The following BTN2A1 variants were observed in gnomAD, a reference collection of about 807,000 sequenced individuals.
BTN2A1 encodes butyrophilin subfamily 2 member A1, also known as butyrophilin, subfamily 2, member A1.
Under a neutral mutation model 34.5 loss-of-function variants are expected in BTN2A1, and 41 were observed. The observed-to-expected ratio is 1.19, with a 90% CI of 0.93 to 1.54. The LOEUF is 1.54. Ranked by LOEUF, BTN2A1 falls within the 40% of genes most tolerant of loss-of-function variation. The probability of loss-of-function intolerance (pLI) is 0.00; values close to 1 mark genes in which losing one functional copy is unlikely to be tolerated. For synonymous variants in BTN2A1, 267 were observed against 258.6 expected (o/e 1.03, Z -0.31); for missense variants, 642 against 662.0 (o/e 0.97, Z 0.33).
chr6:26,470,336 A>G (rs1763426183), downstream of BTN2A1, among the ~76,000 whole-genome samples: 1 of 152,012 alleles, frequency 6.6e-6, no homozygotes, highest in South Asian at 2.1e-4. Context: ...GAAAGAGTGA[A>G]ACTCCCGTCT....
In BTN2A1 at chr6:26,467,958, C is replaced by T. The variant is rs1300199084; in HGVS notation, c.993C>T (p.Val331=). Reference sequence around the variant, plus strand: ...AGACTTCCTCTGCAGTTGATGTGGTCCTGGATCCAGACACCGCTCATCCCG... The same window carrying T: ...AGACTTCCTCTGCAGTTGATGTGGTTCTGGATCCAGACACCGCTCATCCCG... The part of the protein sequence containing the change: ...RRTFLHAVDV[V]LDPDTAHPDL... The change falls in exon 8 of 8, where the codon GTC becomes GTT. Residue 331 remains valine, a synonymous_variant. Transcript: ENST00000312541. 1 of 1,612,766 alleles carries T rather than the reference C, an allele frequency of 6.2e-7. No individual in the cohort carries two copies. The highest frequency in any genetic ancestry group is 8.5e-7 in the Non-Finnish European group (1 of 1,179,026).
intron 2 of BTN2A1, 143 bp downstream of exon 2, chr6:26,458,861 T>C: frequency 8.9e-7 from 1 of 1,128,802 alleles, no homozygotes; most frequent in Non-Finnish European, 1.3e-6. Context: ...ATACCAGCAC[T>C]GTCCAAAAGG....
At chr6:26,465,903 T>G (rs1448158227) in intron 5 of BTN2A1, 50 bp from the exon 6 acceptor site, 1 of 1,613,498 alleles carries the variant, frequency 6.2e-7, no homozygotes, top group Non-Finnish European at 8.5e-7. Flanking sequence ...AAAACCCAAC[T>G]TCTTTTAGTT....
chr6:26,473,220 C>T (rs938386504), downstream of BTN2A1, among the ~76,000 whole-genome samples: 2 of 152,156 alleles, frequency 1.3e-5, no homozygotes, highest in Non-Finnish European at 2.9e-5. Flanking sequence ...TCTGCTATCA[C>T]TAGGTCCCAA....
exon 8 of BTN2A1, chr6:26,476,410 G>A: frequency 1.4e-6 from 1 of 708,476 alleles, no homozygotes. Flanking sequence ...TTGCCCAGAT[G>A]TCTGCTCACC....
intron 2 of BTN2A1, among the ~76,000 whole-genome samples, chr6:26,459,082 A>T (rs1417838117): frequency 2.6e-5 from 4 of 152,210 alleles, no homozygotes; most frequent in African/African-American, 9.7e-5. Context: ...TGAAATTTTA[A>T]ATCTTCATAA....
In BTN2A1 at chr6:26,467,630, A is replaced by G; in HGVS notation, c.983-318A>G. On this transcript the variant is annotated intron_variant, in intron 7 of 7. Coordinates refer to ENST00000312541, the MANE Select transcript of BTN2A1 (RefSeq NM_007049.5). ...CCTGGCCAGAGATCATATGTCTTGG[A>G]TAGAAAAGGGAACACATCTTAGAAT... is the stretch of plus-strand genomic sequence containing the variant. The G allele has an allele frequency of 3.6e-6, 5 of 1,378,522 alleles. No homozygotes were observed. In the South Asian group the frequency reaches 4.2e-5, roughly 12 times the overall value. The allele number at this position is 1,378,522 out of a possible 1,614,324, so 85.4% of individuals were successfully genotyped here.
At chr6:26,472,664 C>G (rs145154946), downstream of BTN2A1, among the ~76,000 whole-genome samples, 5 of 152,308 alleles carry the variant, frequency 3.3e-5, no homozygotes, top group Admixed American at 6.5e-5. Flanking sequence ...CTTGGCTAAA[C>G]TGGCATGCCC....
At chr6:26,467,333 A>C (rs1299474099) in intron 7 of BTN2A1, among the ~76,000 whole-genome samples, 1 of 152,084 alleles carries the variant, frequency 6.6e-6, no homozygotes, top group Non-Finnish European at 1.5e-5. Flanking sequence ...TTGTTTTGAG[A>C]TGATGTCTTG....
At chr6:26,458,494 G>A (rs777982807) in intron 1 of BTN2A1, 113 bp from the exon 2 acceptor site, 8 of 802,634 alleles carry the variant, frequency 1.0e-5, no homozygotes, top group South Asian at 1.5e-5. Flanking sequence ...CGGATGCAGG[G>A]GACTCCCTGA....
At chr6:26,461,614 C>T (rs1289401137) in intron 3 of BTN2A1, among the ~76,000 whole-genome samples, 1 of 152,108 alleles carries the variant, frequency 6.6e-6, no homozygotes, top group Non-Finnish European at 1.5e-5. Flanking sequence ...GAAACCCTGT[C>T]TTTACTAAAA....
At chr6:26,476,582 C>A in exon 8 of BTN2A1, 1 of 276,946 alleles carries the variant, frequency 3.6e-6, no homozygotes, top group Non-Finnish European at 7.3e-6. Context: ...AGCCACTGGG[C>A]ACTCATATCT....
chr6:26,468,261 G>C lies in BTN2A1; in HGVS notation c.1296G>C (p.Arg432=). ...WTLEMHKGQY[R]AVSSPDRILP... is the part of the protein sequence containing the mutation. ...TGGAGATGCATAAAGGGCAATACCG[G>C]GCCGTGTCCTCCCCTGATAGGATTC... Residue 432 remains arginine, a synonymous_variant, in exon 8 of 8, where the codon CGG becomes CGC. Coordinates refer to ENST00000312541, the MANE Select transcript of BTN2A1 (RefSeq NM_007049.5). 2 of 1,614,164 alleles carry C rather than the reference G, an allele frequency of 1.2e-6. No individual in the cohort carries two copies. Among genetic ancestry groups the C allele is most frequent in the Non-Finnish European group, 1.7e-6 (2 of 1,180,032 alleles).
chr6:26,466,287 A>G (rs908542843), intron 7 of BTN2A1, among the ~76,000 whole-genome samples, 199 bp downstream of exon 7: 13 of 152,236 alleles, frequency 8.5e-5, no homozygotes, highest in East Asian at 7.7e-4. Flanking sequence ...AATCCACCCT[A>G]TGGTTTACAT....
In BTN2A1 at chr6:26,465,269, T is replaced by A; in HGVS notation, c.797T>A (p.Ile266Asn). 1.9e-6 allele frequency: 3 copies of A among 1,614,078 alleles called. No homozygotes were observed. The highest frequency in any genetic ancestry group is 2.5e-6 in the Non-Finnish European group (3 of 1,179,970). ...CTGATGATACCCATTGCCGTATGCA[T>A]CTATTGGATCAACAAACTCCAAAAG... is the stretch of plus-strand genomic sequence containing the variant. Reference protein sequence around the residue: ...VILMIPIAVCIYWINKLQKEK... With the variant: ...VILMIPIAVCNYWINKLQKEK... The change falls in exon 5 of 8, where the codon ATC becomes AAC. Residue 266 changes from isoleucine to asparagine, a missense_variant. Transcript: ENST00000312541.
At chr6:26,473,883 C>T (rs116290099), downstream of BTN2A1, among the ~76,000 whole-genome samples, 256 of 152,304 alleles carry the variant, frequency 1.7e-3, 2 homozygotes, top group African/African-American at 5.8e-3. Flanking sequence ...AGTTTTCATT[C>T]TAACCGTCCC....
chr6:26,472,945 G>A (rs999294538), downstream of BTN2A1, among the ~76,000 whole-genome samples: 30 of 152,126 alleles, frequency 2.0e-4, 1 homozygote. Context: ...TGCAAAAAAG[G>A]TTAAAGTGAA....
rs1763400285 is a variant in BTN2A1 at position 26,468,952 on chromosome 6, G to A, written c.*403G>A. On this transcript the variant is annotated 3_prime_UTR_variant, in exon 8 of 8. Transcript: ENST00000312541. ...CAGGGTTCACCAGGATGTAAGAGGA[G>A]AGAGGAATCCACAGGACCACCAGAG... 2 of 1,218,018 alleles carry A rather than the reference G, an allele frequency of 1.6e-6. No homozygotes were observed. The highest frequency in any genetic ancestry group is 6.9e-5 in the Admixed American group (2 of 29,064). 75.5% of individuals were successfully genotyped at this position (1,218,018 alleles called of 1,614,324 possible).
chr6:26,466,892 G>A (rs1354050913), intron 7 of BTN2A1, among the ~76,000 whole-genome samples: 2 of 152,198 alleles, frequency 1.3e-5, no homozygotes, highest in African/African-American at 4.8e-5. Flanking sequence ...AATAAATACA[G>A]ATGGGAGAGG....
Sources: allele counts gnomAD v4.1 joint callset (sites outside exome capture counted in the v4.1 genomes callset), GRCh38; gene constraint gnomAD v4.1.1; transcripts MANE v1.5; gene names NCBI Gene and HGNC (gene_info 2026-07-23, HGNC 2026-07-21).